Variants in MINDY2 observed in about 807,000 individuals in gnomAD.
MINDY2 encodes the protein MINDY lysine 48 deubiquitinase 2, also known as ubiquitin carboxyl-terminal hydrolase MINDY-2.
A neutral mutation model predicts 68.2 loss-of-function variants in MINDY2; 52 were observed. The observed-to-expected ratio is 0.76, with a 90% CI of 0.61 to 0.96. The LOEUF is 0.96. Among genes scored for constraint, MINDY2 ranks in the 40% least tolerant of loss-of-function variants. The probability of loss-of-function intolerance (pLI) is 0.00; values close to 1 mark genes in which losing one functional copy is unlikely to be tolerated. For synonymous variants in MINDY2, 372 were observed against 303.0 expected (o/e 1.23, Z -2.36); for missense variants, 881 against 773.4 (o/e 1.14, Z -1.65).
At chr15:58,805,338 A>C (rs1221149414) in intron 3 of MINDY2, among the ~76,000 whole-genome samples, 2 of 152,168 alleles carry the variant, frequency 1.3e-5, no homozygotes, top group African/African-American at 4.8e-5. Flanking sequence ...GATGTCTTCA[A>C]ACCTAATTTT....
intron 3 of MINDY2, among the ~76,000 whole-genome samples, chr15:58,803,293 C>T (rs1294306344): frequency 6.7e-6 from 1 of 149,334 alleles, no homozygotes; most frequent in Non-Finnish European, 1.5e-5. Context: ...GGTGAAACCC[C>T]ATTTCTACTA....
At chr15:58,819,924 A>G (rs2030952526) in intron 4 of MINDY2, among the ~76,000 whole-genome samples, 1 of 152,180 alleles carries the variant, frequency 6.6e-6, no homozygotes, top group Non-Finnish European at 1.5e-5. Flanking sequence ...CACTGCATCA[A>G]AAGATTGACC....
At chr15:58,839,862 T>A (rs2032192257) in intron 6 of MINDY2, among the ~76,000 whole-genome samples, 2 of 150,564 alleles carry the variant, frequency 1.3e-5, no homozygotes, top group Admixed American at 1.3e-4. Context: ...GGACAGAGTC[T>A]CACTCTGTCA....
At chr15:58,834,609 T>C (rs1346313360) in intron 6 of MINDY2, among the ~76,000 whole-genome samples, 3 of 152,232 alleles carry the variant, frequency 2.0e-5, no homozygotes, top group Non-Finnish European at 4.4e-5. Flanking sequence ...TACAATTCTC[T>C]AACCATCATC....
chr15:58,804,336 T>C (rs1422278549), intron 3 of MINDY2, among the ~76,000 whole-genome samples: 1 of 152,208 alleles, frequency 6.6e-6, no homozygotes, highest in African/African-American at 2.4e-5. Context: ...TTAATTTATA[T>C]CATGTATTTA....
chr15:58,811,788 T>C (rs951349139), intron 4 of MINDY2, among the ~76,000 whole-genome samples: 4 of 152,134 alleles, frequency 2.6e-5, no homozygotes, highest in Admixed American at 1.3e-4. Flanking sequence ...GTCTCCCGAA[T>C]AGAGAAGAAA....
At chr15:58,778,398 G>A (rs2140895854) in intron 1 of MINDY2, among the ~76,000 whole-genome samples, 1 of 151,952 alleles carries the variant, frequency 6.6e-6, no homozygotes, top group South Asian at 2.1e-4. Flanking sequence ...CAAGTCATGG[G>A]AGGAATGCCA....
intron 5 of MINDY2, among the ~76,000 whole-genome samples, chr15:58,824,406 C>G (rs920007697): frequency 7.2e-5 from 11 of 152,102 alleles, no homozygotes; most frequent in Admixed American, 2.6e-4. Context: ...ATATTTATTA[C>G]TTCCTTGATA....
intron 4 of MINDY2, among the ~76,000 whole-genome samples, chr15:58,818,403 A>G (rs1200232837): frequency 6.6e-6 from 1 of 152,048 alleles, no homozygotes; most frequent in Non-Finnish European, 1.5e-5. Context: ...CTATAGGCAC[A>G]CACTCCCATG....
chr15:58,800,253 C>T (rs895327881), intron 2 of MINDY2, among the ~76,000 whole-genome samples: 4 of 152,024 alleles, frequency 2.6e-5, no homozygotes, highest in Non-Finnish European at 5.9e-5. Flanking sequence ...TAATTCTTTC[C>T]TTGAAATTTT....
chr15:58,791,215 T>TTTTATATATATA (rs1344616079), intron 2 of MINDY2, among the ~76,000 whole-genome samples: 20 of 79,610 alleles, frequency 2.5e-4, no homozygotes, highest in Non-Finnish European at 3.8e-4. Flanking sequence ...GAAAGCAATT[T>TTTTATATATATA]TATATATATA....
intron 3 of MINDY2, among the ~76,000 whole-genome samples, chr15:58,807,751 C>A (rs1252687304): frequency 6.6e-6 from 1 of 152,136 alleles, no homozygotes; most frequent in Non-Finnish European, 1.5e-5. Flanking sequence ...ACAAACAAGT[C>A]TTTGTGATCC....
intron 1 of MINDY2, among the ~76,000 whole-genome samples, chr15:58,786,422 G>A (rs777828067): frequency 2.0e-5 from 3 of 152,038 alleles, no homozygotes; most frequent in South Asian, 2.1e-4. Context: ...GAATGTGCTC[G>A]TCACTGTCAG....
chr15:58,782,909 C>CTTTTTTTTTTTTT (rs1319309591), intron 1 of MINDY2, among the ~76,000 whole-genome samples: 2 of 66,004 alleles, frequency 3.0e-5, no homozygotes, highest in Non-Finnish European at 3.2e-5. Context: ...TTTTTTCTCT[C>CTTTTTTTTTTTTT]TGTTTTTTTT....
At chr15:58,812,985 C>A (rs1043105393) in intron 4 of MINDY2, among the ~76,000 whole-genome samples, 3 of 152,168 alleles carry the variant, frequency 2.0e-5, no homozygotes, top group Non-Finnish European at 4.4e-5. Flanking sequence ...CTCTTCTTAA[C>A]CCCTGACAAC....
intron 5 of MINDY2, among the ~76,000 whole-genome samples, chr15:58,829,851 A>G (rs1486286222): frequency 2.0e-5 from 3 of 152,222 alleles, no homozygotes; most frequent in African/African-American, 7.2e-5. Context: ...AGCTTGAAGT[A>G]CTATGGTTTG....
Position 58,771,729 on chromosome 15 carries a change from C to G in MINDY2, c.334C>G (p.Pro112Ala), listed in dbSNP as rs762224127. Residue 112 changes from proline (P) to alanine (A), a missense_variant, in exon 1 of 9, where the codon CCG becomes GCG. Physicochemically the swap from Pro to Ala is conservative, Grantham distance 27. Coordinates refer to ENST00000559228, the MANE Select transcript of MINDY2 (RefSeq NM_001040450.3). ...AGGGCAGTACAAGGTGACCGCCTCC[C>G]CGGAGACAGCCGTGGCCGGAGTGGG... The part of the protein sequence containing the change: ...LRGQYKVTAS[P>A]ETAVAGVGHE... The G allele has an allele frequency of 2.5e-6, 4 of 1,611,912 alleles. No homozygotes were observed. The highest frequency in any genetic ancestry group is 4.5e-5 in the East Asian group (2 of 44,852).
At chr15:58,808,328 T>G (rs934789043) in intron 3 of MINDY2, among the ~76,000 whole-genome samples, 1 of 152,222 alleles carries the variant, frequency 6.6e-6, no homozygotes, top group African/African-American at 2.4e-5. Flanking sequence ...TCATACAGAA[T>G]AGTTTCACTG....
intron 3 of MINDY2, among the ~76,000 whole-genome samples, chr15:58,807,512 A>T (rs867035996): frequency 6.6e-6 from 1 of 152,018 alleles, no homozygotes; most frequent in Middle Eastern, 3.4e-3. Flanking sequence ...GGCGCCCGCC[A>T]TCATGCCTGG....
Sources: allele counts gnomAD v4.1 joint callset (sites outside exome capture counted in the v4.1 genomes callset), GRCh38; gene constraint gnomAD v4.1.1; transcripts MANE v1.5; gene names NCBI Gene and HGNC (gene_info 2026-07-23, HGNC 2026-07-21).